Variants in COL26A1 observed in about 807,000 individuals in gnomAD.
COL26A1 encodes the protein collagen alpha-1(XXVI) chain.
Under a neutral mutation model 59.3 loss-of-function variants are expected in COL26A1, and 41 were observed. The observed-to-expected ratio is 0.69, with a 90% CI of 0.54 to 0.90. The LOEUF (loss-of-function observed/expected upper bound fraction) is 0.90. Among genes scored for constraint, COL26A1 ranks in the 40% least tolerant of loss-of-function variants. COL26A1 has a pLI of 0.00. For synonymous variants in COL26A1, 266 were observed against 256.0 expected (o/e 1.04, Z -0.37); for missense variants, 612 against 602.3 (o/e 1.02, Z -0.17).
intron 1 of COL26A1, among the ~76,000 whole-genome samples, chr7:101,410,290 A>G (rs1385162848): frequency 1.3e-5 from 2 of 152,342 alleles, no homozygotes; most frequent in African/African-American, 2.4e-5. Context: ...AGGTTTCACA[A>G]TAACATGACT....
At chr7:101,536,560 G>A (rs1393507524) in intron 4 of COL26A1, among the ~76,000 whole-genome samples, 3 of 152,224 alleles carry the variant, frequency 2.0e-5, no homozygotes, top group African/African-American at 7.2e-5. Context: ...ACAGGAGCCA[G>A]GCAGGCAGAT....
chr7:101,544,441 G>T (rs1446112655), intron 6 of COL26A1, among the ~76,000 whole-genome samples: 1 of 151,638 alleles, frequency 6.6e-6, no homozygotes, highest in Non-Finnish European at 1.5e-5. Context: ...TGGTCAGGCT[G>T]GTCTCGAACT....
At chr7:101,547,596 G>T (rs559343948) in intron 8 of COL26A1, among the ~76,000 whole-genome samples, 1 of 152,232 alleles carries the variant, frequency 6.6e-6, no homozygotes, top group Non-Finnish European at 1.5e-5. Context: ...GTTCAAAGGG[G>T]CTGGGACCTG....
chr7:101,378,987 CA>C (rs1398679831), intron 1 of COL26A1, among the ~76,000 whole-genome samples: 1 of 152,156 alleles, frequency 6.6e-6, no homozygotes, highest in East Asian at 1.9e-4. Context: ...TGGGCTTCCC[CA>C]GCCCCCGTAG....
chr7:101,434,079 TCCC>T (rs1792848599), intron 2 of COL26A1, among the ~76,000 whole-genome samples: 1 of 30,662 alleles, frequency 3.3e-5, no homozygotes, highest in Non-Finnish European at 7.3e-5. Flanking sequence ...CCTCCCTCCC[TCCC>T]TCCCTCCCTC....
At chr7:101,376,967 T>C (rs943756999) in intron 1 of COL26A1, among the ~76,000 whole-genome samples, 6 of 152,184 alleles carry the variant, frequency 3.9e-5, no homozygotes, top group Non-Finnish European at 7.4e-5. Flanking sequence ...CAAGTGATTC[T>C]CCTGCCTCAG....
intron 1 of COL26A1, among the ~76,000 whole-genome samples, chr7:101,378,015 C>T (rs936775527): frequency 2.6e-5 from 4 of 152,176 alleles, no homozygotes; most frequent in East Asian, 3.8e-4. Context: ...AGGTGATCCT[C>T]GTGCTTCAGC....
intron 1 of COL26A1, among the ~76,000 whole-genome samples, chr7:101,363,948 T>C (rs1790976829): frequency 6.6e-6 from 1 of 152,108 alleles, no homozygotes; most frequent in African/African-American, 2.4e-5. Flanking sequence ...CGCCCAGTCT[T>C]TGGGGCTGAG....
intron 2 of COL26A1, among the ~76,000 whole-genome samples, chr7:101,429,300 C>T (rs1456963005): frequency 6.6e-6 from 1 of 152,042 alleles, no homozygotes; most frequent in Admixed American, 6.6e-5. Flanking sequence ...TTATTTTTTG[C>T]ATAAGGTGTG....
chr7:101,500,352 T>TC (rs2130556253), intron 3 of COL26A1, among the ~76,000 whole-genome samples: 1 of 152,296 alleles, frequency 6.6e-6, no homozygotes, highest in African/African-American at 2.4e-5. Flanking sequence ...TACCCCCATC[T>TC]CGATCCCAAA....
At chr7:101,450,987 TATATTGAATAATATATA>T (rs1398391816) in intron 3 of COL26A1, among the ~76,000 whole-genome samples, 1 of 145,384 alleles carries the variant, frequency 6.9e-6, no homozygotes, top group African/African-American at 2.5e-5. Context: ...TAAATATTCA[TATATTGAATAATATATA>T]ATATTGAATA....
chr7:101,551,237 G>GGGGGGGGGGGGGC, intron 10 of COL26A1, 94 bp downstream of exon 10: 1 of 386,366 alleles, frequency 2.6e-6, no homozygotes, highest in Non-Finnish European at 5.0e-6. Context: ...TGGTGGGGGG[G>GGGGGGGGGGGGGC]TTCAGCCCTG....
intron 2 of COL26A1, among the ~76,000 whole-genome samples, chr7:101,436,222 C>T (rs915794193): frequency 5.9e-5 from 9 of 152,180 alleles, no homozygotes; most frequent in Non-Finnish European, 8.8e-5. Flanking sequence ...CTCTCGGGAA[C>T]GTCTAGCTTG....
chr7:101,509,888 C>T (rs562460508), intron 3 of COL26A1, among the ~76,000 whole-genome samples: 27 of 151,994 alleles, frequency 1.8e-4, no homozygotes, highest in East Asian at 1.5e-3. Flanking sequence ...CCACCACGCA[C>T]GGCTAATTTT....
intron 3 of COL26A1, among the ~76,000 whole-genome samples, chr7:101,514,532 A>G (rs2130593857): frequency 6.6e-6 from 1 of 152,188 alleles, no homozygotes. Context: ...AGGGAGGTTT[A>G]TTCCTTCCAG....
In COL26A1 at chr7:101,424,275, T is replaced by G. The variant is rs141695140; in HGVS notation, c.281+4176T>G. On this transcript the variant is annotated intron_variant, in intron 2 of 12. Transcript: ENST00000313669. Reference sequence around the variant, plus strand: ...AGAAATCCCAAATTGCTGATCTTAATTGTCATAATTTCTGCTGTTATTATA... The same window carrying G: ...AGAAATCCCAAATTGCTGATCTTAAGTGTCATAATTTCTGCTGTTATTATA... Among the ~76,000 whole-genome samples the G allele has an allele frequency of 1.9e-3, 289 of 152,278 alleles. 2 individuals are homozygous for G. Among genetic ancestry groups the G allele is most frequent in the African/African-American group, 6.5e-3 (269 of 41,566 alleles).
intron 10 of COL26A1, 93 bp downstream of exon 10, chr7:101,551,236 G>A: frequency 2.6e-6 from 2 of 766,620 alleles, no homozygotes; most frequent in Non-Finnish European, 4.2e-6. Context: ...TTGGTGGGGG[G>A]GTTCAGCCCT....
At chr7:101,553,519 C>T (rs1795904140) in intron 11 of COL26A1, 143 bp downstream of exon 11, 2 of 663,794 alleles carry the variant, frequency 3.0e-6, no homozygotes, top group Non-Finnish European at 4.8e-6. Context: ...AGGGCCCCTG[C>T]CCTGAGAAGT....
At chr7:101,380,292 ATTTTTTTT>A (rs34990402) in intron 1 of COL26A1, among the ~76,000 whole-genome samples, 28 of 115,904 alleles carry the variant, frequency 2.4e-4, no homozygotes, top group Non-Finnish European at 3.4e-4. Context: ...ACCCAGCTAC[ATTTTTTTT>A]TTTTTTTTTT....
Sources: gnomAD v4.1 joint callset for allele counts (sites outside exome capture counted in the v4.1 genomes callset) on GRCh38, gnomAD v4.1.1 for gene constraint, MANE v1.5 for transcripts, NCBI Gene and HGNC (gene_info 2026-07-23, HGNC 2026-07-21) for gene names.